Variants in ODR4 observed in about 807,000 individuals in gnomAD.
ODR4 encodes protein odr-4 homolog.
A neutral mutation model predicts 60.2 loss-of-function variants in ODR4; 47 were observed. That is an observed-to-expected ratio of 0.78 (90% confidence interval 0.62 to 1.00). The LOEUF (loss-of-function observed/expected upper bound fraction) is 1.00. Ranked by LOEUF, ODR4 falls within the 50% of genes least tolerant of loss-of-function variation. ODR4 has a pLI of 0.00. For missense variants in ODR4, 488 were observed against 530.8 expected (o/e 0.92, Z 0.79); for synonymous variants, 178 against 175.5 (o/e 1.01, Z -0.11).
intron 2 of ODR4, 23 bp from the exon 3 acceptor site, chr1:186,382,999 A>G (rs554425195): frequency 1.0e-5 from 16 of 1,569,642 alleles, no homozygotes; most frequent in African/African-American, 6.8e-5. Flanking sequence ...CACTCTAACA[A>G]GCTTTTTAAT....
At chr1:186,434,617 G>T in the ODR4 span, among the ~76,000 whole-genome samples, 1 of 152,252 alleles carries the variant, frequency 6.6e-6, no homozygotes, top group East Asian at 1.9e-4. Context: ...AATGCTTGAA[G>T]AAGGGAAAAA....
intron 2 of ODR4, among the ~76,000 whole-genome samples, chr1:186,381,032 T>A (rs1016768883): frequency 6.6e-6 from 1 of 152,266 alleles, no homozygotes; most frequent in East Asian, 1.9e-4. Context: ...AGCACCACTC[T>A]GTGAGGCCTC....
downstream of ODR4, among the ~76,000 whole-genome samples, chr1:186,421,977 G>C (rs1661796148): frequency 6.6e-6 from 1 of 151,802 alleles, no homozygotes; most frequent in African/African-American, 2.4e-5. Flanking sequence ...GGAGGCGGGT[G>C]GGGGGTGAAG....
intron 4 of ODR4, among the ~76,000 whole-genome samples, chr1:186,387,378 A>G (rs555571524): frequency 1.6e-4 from 24 of 152,318 alleles, no homozygotes; most frequent in Admixed American, 1.6e-3. Context: ...TATTAATAGC[A>G]TTCATTGTGC....
chr1:186,409,374 G>A (rs1297114567), intron 12 of ODR4, among the ~76,000 whole-genome samples: 3 of 152,190 alleles, frequency 2.0e-5, no homozygotes, highest in Non-Finnish European at 4.4e-5. Flanking sequence ...AAGGGCCTTT[G>A]CCTCTCTTGC....
chr1:186,386,364 T>G (rs1660250497), intron 4 of ODR4, among the ~76,000 whole-genome samples: 1 of 152,152 alleles, frequency 6.6e-6, no homozygotes, highest in African/African-American at 2.4e-5. Flanking sequence ...CATCAGCCCA[T>G]ATGGCATTTC....
chr1:186,394,128 T>C (rs1238959720), intron 9 of ODR4, 113 bp downstream of exon 9: 2 of 633,694 alleles, frequency 3.2e-6, no homozygotes, highest in Non-Finnish European at 5.4e-6. Flanking sequence ...TGTAAGAGAC[T>C]GTATGAAATG....
At position 186,419,160 on chromosome 1, in the gene ODR4, A is replaced by G; in HGVS notation, c.*84A>G. The stretch of plus-strand genomic sequence containing the variant: ...ATAAAGATGTTAACAATCCATCTGT[A>G]TTTAAAACACTAGCAGCCAGATCTG... On this transcript the variant is annotated 3_prime_UTR_variant, in exon 14 of 14. Transcript: ENST00000287859. 1.6e-6 allele frequency: 2 copies of G among 1,218,952 alleles called. No individual in the cohort carries two copies. The highest frequency in any genetic ancestry group is 2.4e-6 in the Non-Finnish European group (2 of 847,926). 75.5% of individuals were successfully genotyped at this position (1,218,952 alleles called of 1,614,324 possible).
chr1:186,402,133 G>T (rs1221443947), intron 11 of ODR4, among the ~76,000 whole-genome samples: 1 of 151,570 alleles, frequency 6.6e-6, no homozygotes, highest in Non-Finnish European at 1.5e-5. Flanking sequence ...CTGGTTCTGT[G>T]TCTATTCTGC....
intron 11 of ODR4, chr1:186,401,262 A>C (rs754014820): frequency 3.9e-6 from 5 of 1,278,978 alleles, no homozygotes; most frequent in Non-Finnish European, 5.4e-6. Context: ...TGATACATTT[A>C]GAAGTTAATG....
At chr1:186,388,970 C>A (rs942291723) in intron 5 of ODR4, among the ~76,000 whole-genome samples, 1 of 152,106 alleles carries the variant, frequency 6.6e-6, no homozygotes, top group Non-Finnish European at 1.5e-5. Flanking sequence ...TATAGGACAT[C>A]GGAGAAATTC....
chr1:186,405,944 C>T, intron 11 of ODR4, 139 bp from the exon 12 acceptor site: 1 of 597,318 alleles, frequency 1.7e-6, no homozygotes, highest in Non-Finnish European at 2.6e-6. Flanking sequence ...CAATTTTGTG[C>T]CAGATCAACC....
Position 186,406,227 on chromosome 1 carries a change from T to C in ODR4, c.1145T>C (p.Ile382Thr). Residue 382 changes from isoleucine (I) to threonine (T), a missense_variant, in exon 12 of 14, where the codon ATT becomes ACT. By Grantham distance (89) the Ile-to-Thr change is moderately conservative. Transcript: ENST00000287859. ...DHFMEMLDHT[I>T]QIEDLEIAEE... The stretch of plus-strand genomic sequence containing the variant: ...TTTATGGAGATGTTGGATCACACAA[T>C]TCAAATAGAAGATTTGGAAATTGCA... 1 of 1,607,204 alleles carries C rather than the reference T, an allele frequency of 6.2e-7. No homozygotes were observed. The highest frequency in any genetic ancestry group is 8.5e-7 in the Non-Finnish European group (1 of 1,177,500).
At chr1:186,401,916 A>G (rs1379282463) in intron 11 of ODR4, among the ~76,000 whole-genome samples, 1 of 152,124 alleles carries the variant, frequency 6.6e-6, no homozygotes, top group Non-Finnish European at 1.5e-5. Flanking sequence ...TAGTTTGAGA[A>G]TAATTGGTAT....
At chr1:186,401,098 G>A (rs1660925448) in intron 11 of ODR4, 2 of 1,595,556 alleles carry the variant, frequency 1.3e-6, no homozygotes, top group African/African-American at 1.3e-5. Flanking sequence ...AGACACATTA[G>A]TATACTCTTC....
In ODR4 at chr1:186,406,269, G is replaced by A; in HGVS notation, c.1186+1G>A. The A allele has an allele frequency of 1.3e-6, 2 of 1,585,540 alleles. No individual in the cohort carries two copies. The highest frequency in any genetic ancestry group is 1.7e-6 in the Non-Finnish European group (2 of 1,166,452). ...GAAATTGCAGAGGAAACAAACACAG[G>A]TCATTATATGATGCTATTTAAGAAC... On this transcript the variant is annotated splice_donor_variant, in intron 12 of 13. Transcript: ENST00000287859. LOFTEE classifies it high-confidence loss of function.
the ODR4 span, among the ~76,000 whole-genome samples, chr1:186,426,976 A>G: frequency 1.4e-4 from 21 of 152,338 alleles, no homozygotes; most frequent in Non-Finnish European, 2.6e-4. Flanking sequence ...TTTGCTGCTA[A>G]AAATAAAAGT....
chr1:186,388,589 C>A, intron 5 of ODR4, 41 bp downstream of exon 5: 1 of 1,117,136 alleles, frequency 9.0e-7, no homozygotes, highest in Non-Finnish European at 1.2e-6. Flanking sequence ...TACAAAGTAC[C>A]AAAATAATAT....
At chr1:186,379,443 CAAAAAAAAAAA>C (rs57320656) in intron 1 of ODR4, among the ~76,000 whole-genome samples, 2 of 58,512 alleles carry the variant, frequency 3.4e-5, no homozygotes, top group African/African-American at 5.0e-5. Flanking sequence ...AACTCCGTCT[CAAAAAAAAAAA>C]AAAAAAAAAG....
Sources: allele counts gnomAD v4.1 joint callset (sites outside exome capture counted in the v4.1 genomes callset), GRCh38; gene constraint gnomAD v4.1.1; transcripts MANE v1.5; gene names NCBI Gene and HGNC (gene_info 2026-07-23, HGNC 2026-07-21).